Variants in SNX25 observed in about 807,000 individuals in gnomAD.
SNX25 encodes the protein sorting nexin 25, also known as sorting nexin-25.
In SNX25, 62 loss-of-function variants were observed where a neutral mutation model predicts 113.7. The observed-to-expected ratio is 0.55, with a 90% CI of 0.44 to 0.67. The LOEUF is 0.67. SNX25 is among the 30% of genes least tolerant of loss of function. The probability of loss-of-function intolerance (pLI) is 0.00; values close to 1 mark genes in which losing one functional copy is unlikely to be tolerated. For synonymous variants in SNX25, 421 were observed against 436.2 expected (o/e 0.97, Z 0.43); for missense variants, 1,014 against 1,161.0 (o/e 0.87, Z 1.84).
intron 6 of SNX25, among the ~76,000 whole-genome samples, chr4:185,303,657 T>TTAAAA (rs1560989132): frequency 1.3e-5 from 1 of 74,728 alleles, no homozygotes; most frequent in African/African-American, 6.4e-5. Context: ...AGACTCTGTC[T>TTAAAA]CAAAAAAAAA....
At chr4:185,261,367 G>A (rs533316647) in intron 3 of SNX25, among the ~76,000 whole-genome samples, 2 of 152,054 alleles carry the variant, frequency 1.3e-5, no homozygotes, top group South Asian at 2.1e-4. Context: ...AGTAGAGATG[G>A]GGTTTCACCA....
intron 14 of SNX25, 48 bp downstream of exon 14, chr4:185,351,657 T>A: frequency 6.3e-7 from 1 of 1,588,076 alleles, no homozygotes; most frequent in Non-Finnish European, 8.6e-7. Flanking sequence ...TTTCAGCAGA[T>A]ACTAAGCTCA....
At chr4:185,245,107 T>G (rs772645967) in intron 1 of SNX25, among the ~76,000 whole-genome samples, 2 of 152,110 alleles carry the variant, frequency 1.3e-5, no homozygotes, top group Non-Finnish European at 2.9e-5. Flanking sequence ...CATGTGGCAG[T>G]GCTGGTCAAG....
At chr4:185,278,803 T>A (rs1750120568) in intron 5 of SNX25, among the ~76,000 whole-genome samples, 1 of 152,196 alleles carries the variant, frequency 6.6e-6, no homozygotes, top group African/African-American at 2.4e-5. Context: ...CATATACGAA[T>A]GGTGCTATAC....
At chr4:185,331,561 A>T (rs896980104) in intron 9 of SNX25, among the ~76,000 whole-genome samples, 3 of 152,168 alleles carry the variant, frequency 2.0e-5, no homozygotes, top group Admixed American at 6.5e-5. Context: ...CAGGTGGATC[A>T]CTTGAGGTCA....
intron 5 of SNX25, among the ~76,000 whole-genome samples, chr4:185,267,504 G>A (rs1441840397): frequency 6.6e-6 from 1 of 152,138 alleles, no homozygotes; most frequent in Non-Finnish European, 1.5e-5. Context: ...GCTGAGGTGG[G>A]CGGATCACTT....
chr4:185,362,838 T>A (rs1469667858), intron 18 of SNX25, 127 bp downstream of exon 18: 22 of 59,842 alleles, frequency 3.7e-4, no homozygotes, highest in Admixed American at 7.4e-4. Context: ...CTCCCTTGAC[T>A]TTTTTTTTTT....
chr4:185,320,918 ATG>A (rs1217554100), intron 8 of SNX25, 54 bp downstream of exon 8: 27 of 1,459,760 alleles, frequency 1.8e-5, no homozygotes, highest in Non-Finnish European at 2.2e-5. Context: ...TAAACTTGGC[ATG>A]TGAGGCAGCA....
downstream of SNX25, chr4:185,371,087 A>C (rs375988184): frequency 3.1e-6 from 1 of 323,404 alleles, no homozygotes; most frequent in Non-Finnish European, 5.8e-6. Flanking sequence ...TTTTCTTCTA[A>C]TATTACTACT....
chr4:185,257,853 AG>A (rs1212460531), intron 2 of SNX25, among the ~76,000 whole-genome samples: 1 of 152,236 alleles, frequency 6.6e-6, no homozygotes, highest in Non-Finnish European at 1.5e-5. Flanking sequence ...GACTGGCCAC[AG>A]GGGCTGAGCC....
downstream of SNX25, among the ~76,000 whole-genome samples, chr4:185,368,795 GT>G (rs34691416): frequency 4.7e-4 from 63 of 133,014 alleles, no homozygotes; most frequent in Admixed American, 5.3e-4. Context: ...AATCTGTTTT[GT>G]TTTTTTTTTT....
intron 4 of SNX25, 132 bp downstream of exon 4, chr4:185,264,742 A>G: frequency 3.1e-6 from 3 of 954,990 alleles, no homozygotes; most frequent in South Asian, 3.9e-5. Context: ...CTCTAAAACT[A>G]TTTGGCCATT....
intron 16 of SNX25, among the ~76,000 whole-genome samples, chr4:185,358,639 G>A (rs996932295): frequency 2.0e-5 from 3 of 152,274 alleles, no homozygotes; most frequent in South Asian, 2.1e-4. Context: ...CACCAGACCC[G>A]TTAGCTGACC....
intron 16 of SNX25, among the ~76,000 whole-genome samples, chr4:185,360,145 C>T (rs776242724): frequency 2.6e-5 from 4 of 152,172 alleles, no homozygotes; most frequent in African/African-American, 4.8e-5. Flanking sequence ...TATTAAGAGT[C>T]GCTTCCTAAT....
chr4:185,230,589 G>C (rs1053206032), intron 1 of SNX25, among the ~76,000 whole-genome samples: 1 of 151,512 alleles, frequency 6.6e-6, no homozygotes, highest in Non-Finnish European at 1.5e-5. Flanking sequence ...AATAGAGACA[G>C]GGTTTCTCCA....
At chr4:185,327,580 TA>T (rs2095165378) in intron 9 of SNX25, among the ~76,000 whole-genome samples, 1 of 152,214 alleles carries the variant, frequency 6.6e-6, no homozygotes, top group Non-Finnish European at 1.5e-5. Flanking sequence ...TTTGCATAGC[TA>T]GGGGGTATGG....
chr4:185,351,356 A>T (rs2095313855), intron 13 of SNX25, 89 bp from the exon 14 acceptor site: 1 of 1,378,820 alleles, frequency 7.3e-7, no homozygotes, highest in African/African-American at 1.5e-5. Flanking sequence ...TAAATTCGTG[A>T]CAGCTCTGCC....
rs1474029394 is a variant in SNX25 at position 185,315,090 on chromosome 4, C to T, written c.1344+4274C>T. ...AAAAATACAAAAAATTAGCCGGGCG[C>T]GGTGGTGGGCGCCTGTAGTCCCAGC... On this transcript the variant is annotated intron_variant, in intron 7 of 18. Coordinates refer to ENST00000652585, the MANE Select transcript of SNX25 (RefSeq NM_001378034.2). 1.5e-4 allele frequency among the ~76,000 whole-genome samples: 22 copies of T among 148,562 alleles called. No homozygotes were observed. The East Asian group carries it at 2.8e-3, about 19-fold the overall frequency.
intron 2 of SNX25, among the ~76,000 whole-genome samples, chr4:185,257,947 T>G (rs546319791): frequency 2.4e-4 from 37 of 152,306 alleles, no homozygotes; most frequent in Admixed American, 2.4e-3. Flanking sequence ...ACACTGTAAT[T>G]GAACAGAGAA....
Sources: gnomAD v4.1 joint callset for allele counts (sites outside exome capture counted in the v4.1 genomes callset) on GRCh38, gnomAD v4.1.1 for gene constraint, MANE v1.5 for transcripts, NCBI Gene and HGNC (gene_info 2026-07-23, HGNC 2026-07-21) for gene names.